Variants in CDH6 observed in about 807,000 individuals in gnomAD.
The protein encoded by CDH6 is cadherin-6.
Under a neutral mutation model 78.0 loss-of-function variants are expected in CDH6, and 31 were observed. The observed-to-expected ratio is 0.40, with a 90% confidence interval of 0.30 to 0.54. The LOEUF (loss-of-function observed/expected upper bound fraction) is 0.54. Ranked by LOEUF, CDH6 falls within the 20% of genes least tolerant of loss-of-function variation. The pLI is 0.56. For synonymous variants in CDH6, 376 were observed against 368.8 expected (o/e 1.02, Z -0.23); for missense variants, 724 against 975.9 (o/e 0.74, Z 3.44).
chr5:31,281,350 G>A (rs1000520222), intron 2 of CDH6, among the ~76,000 whole-genome samples: 38 of 150,178 alleles, frequency 2.5e-4, no homozygotes, highest in African/African-American at 8.1e-4. Flanking sequence ...GTGTGTGTGG[G>A]GGGTGTGTTT....
chr5:31,228,880 G>A (rs1265768555), intron 1 of CDH6, among the ~76,000 whole-genome samples: 1 of 152,138 alleles, frequency 6.6e-6, no homozygotes, highest in Non-Finnish European at 1.5e-5. Context: ...GGGAACCCCT[G>A]ATCTTAGGCA....
chr5:31,279,404 C>T (rs1230537572), intron 2 of CDH6, among the ~76,000 whole-genome samples: 2 of 151,826 alleles, frequency 1.3e-5, no homozygotes, highest in Non-Finnish European at 2.9e-5. Flanking sequence ...TCCATCTCTA[C>T]CAAAAAAGAA....
At chr5:31,239,946 A>G (rs1437674493) in intron 1 of CDH6, among the ~76,000 whole-genome samples, 1 of 152,202 alleles carries the variant, frequency 6.6e-6, no homozygotes, top group African/African-American at 2.4e-5. Flanking sequence ...TTTCAGATAA[A>G]TGAATAGGAT....
intron 6 of CDH6, among the ~76,000 whole-genome samples, chr5:31,302,870 G>A (rs1474545388): frequency 7.4e-6 from 1 of 135,138 alleles, no homozygotes; most frequent in Non-Finnish European, 1.6e-5. Context: ...AAGGAAGAAA[G>A]GAGGGAAGGA....
At chr5:31,223,229 A>G (rs1183332565) in intron 1 of CDH6, among the ~76,000 whole-genome samples, 1 of 152,218 alleles carries the variant, frequency 6.6e-6, no homozygotes, top group Admixed American at 6.5e-5. Context: ...CCGCATTTTA[A>G]GGACACAGTT....
chr5:31,313,446 C>T lies in CDH6; in HGVS notation c.1382C>T (p.Thr461Ile), dbSNP rs1738211009. Residue 461 changes from threonine (T) to isoleucine (I), a missense_variant, in exon 8 of 12, where the codon ACA becomes ATA. Thr to Ile is a moderately conservative substitution (Grantham distance 89). Transcript: ENST00000265071. ...TGGCACAACATTACAGTGATAGCAA[C>T]AGAGATCAGTAAGTCCTACCTAATA... Reference protein sequence around the residue: ...LLWHNITVIATEINNPKQSSR... With the variant: ...LLWHNITVIAIEINNPKQSSR... 6.2e-7 allele frequency: 1 copy of T among 1,613,710 alleles called. No individual in the cohort carries two copies. The highest frequency in any genetic ancestry group is 1.7e-5 in the Admixed American group (1 of 59,992).
chr5:31,263,484 T>C (rs1306587786), intron 1 of CDH6, among the ~76,000 whole-genome samples: 1 of 146,954 alleles, frequency 6.8e-6, no homozygotes, highest in African/African-American at 2.5e-5. Flanking sequence ...GGTTTCACCA[T>C]GTTAGCCAGG....
chr5:31,237,452 T>G (rs1302311490), intron 1 of CDH6, among the ~76,000 whole-genome samples: 1 of 152,132 alleles, frequency 6.6e-6, no homozygotes, highest in African/African-American at 2.4e-5. Flanking sequence ...GTTGCTCACA[T>G]CAGGGTCAAG....
intron 1 of CDH6, among the ~76,000 whole-genome samples, chr5:31,241,794 A>G (rs1050807109): frequency 3.3e-5 from 5 of 152,246 alleles, no homozygotes; most frequent in African/African-American, 1.2e-4. Context: ...TTTGGAGGTC[A>G]AAACTAGCTG....
chr5:31,320,804 C>A (rs1320172935), intron 11 of CDH6, among the ~76,000 whole-genome samples: 1 of 151,988 alleles, frequency 6.6e-6, no homozygotes, highest in Non-Finnish European at 1.5e-5. Flanking sequence ...CATGGTGAAA[C>A]CTCGTCTCTA....
chr5:31,196,227 T>G (rs36116815), intron 1 of CDH6, among the ~76,000 whole-genome samples: 2,173 of 152,308 alleles, frequency 0.014, 29 homozygotes, highest in South Asian at 0.037. Context: ...AAAATGTACC[T>G]TGCAAAATAC....
chr5:31,203,201 C>CGA (rs61085036), intron 1 of CDH6, among the ~76,000 whole-genome samples: 2,083 of 146,348 alleles, frequency 0.014, 36 homozygotes, highest in African/African-American at 0.046. Flanking sequence ...TTTTATAAAG[C>CGA]GAGAGAGAGA....
At chr5:31,228,908 A>G (rs1356627796) in intron 1 of CDH6, among the ~76,000 whole-genome samples, 4 of 152,192 alleles carry the variant, frequency 2.6e-5, no homozygotes, top group Non-Finnish European at 5.9e-5. Flanking sequence ...TGATCTCTCC[A>G]AGATTTATTT....
At chr5:31,248,718 GC>G in intron 1 of CDH6, among the ~76,000 whole-genome samples, 1 of 151,818 alleles carries the variant, frequency 6.6e-6, no homozygotes. Flanking sequence ...CCTCTCACAA[GC>G]AAAACATGCA....
chr5:31,203,250 A>T (rs78187188), intron 1 of CDH6, among the ~76,000 whole-genome samples: 5,450 of 124,272 alleles, frequency 0.044, 146 homozygotes, highest in African/African-American at 0.087. Context: ...TTTTTTATTT[A>T]TTTTTTATTA....
intron 11 of CDH6, among the ~76,000 whole-genome samples, chr5:31,319,262 A>G (rs636712): frequency 0.013 from 1,911 of 152,124 alleles, 42 homozygotes; most frequent in African/African-American, 0.044. Context: ...TCCGCCTTTC[A>G]TTTCCTTCCT....
chr5:31,268,465 A>G (rs1181828102), intron 2 of CDH6, among the ~76,000 whole-genome samples: 1 of 152,206 alleles, frequency 6.6e-6, no homozygotes, highest in African/African-American at 2.4e-5. Context: ...TTAGCCTGTC[A>G]TCGTGAGTTT....
intron 3 of CDH6, among the ~76,000 whole-genome samples, chr5:31,296,136 G>A (rs915881633): frequency 1.3e-5 from 2 of 152,072 alleles, no homozygotes; most frequent in Non-Finnish European, 2.9e-5. Flanking sequence ...TAATACAAAA[G>A]CAATGTAGAA....
chr5:31,309,219 C>T (rs1247907236), intron 7 of CDH6, among the ~76,000 whole-genome samples: 1 of 152,064 alleles, frequency 6.6e-6, no homozygotes, highest in Non-Finnish European at 1.5e-5. Flanking sequence ...TTCATTAATT[C>T]TCTTTAAAAT....
Sources: gnomAD v4.1 joint callset for allele counts (sites outside exome capture counted in the v4.1 genomes callset) on GRCh38, gnomAD v4.1.1 for gene constraint, MANE v1.5 for transcripts, NCBI Gene and HGNC (gene_info 2026-07-23, HGNC 2026-07-21) for gene names.